RABL6: variants seen among roughly 807,000 people sequenced by gnomAD.
RABL6 encodes the protein rab-like protein 6.
A neutral mutation model predicts 72.9 loss-of-function variants in RABL6; 28 were observed. The ratio of observed to expected loss-of-function variants is 0.38; its 90% CI spans 0.28 to 0.53. RABL6 has a LOEUF of 0.53. Among genes scored for constraint, RABL6 ranks in the 20% least tolerant of loss-of-function variants. The pLI is 0.80. For missense variants in RABL6, 1,029 were observed against 1,008.4 expected (o/e 1.02, Z -0.28); for synonymous variants, 477 against 421.2 (o/e 1.13, Z -1.62).
At chr9:136,810,927 A>G (rs576508564) in intron 1 of RABL6, among the ~76,000 whole-genome samples, 1 of 152,106 alleles carries the variant, frequency 6.6e-6, no homozygotes, top group Non-Finnish European at 1.5e-5. Flanking sequence ...TGGGGGTGAG[A>G]GTTTCTGGGA....
At chr9:136,816,769 A>G (rs1050033636) in intron 1 of RABL6, among the ~76,000 whole-genome samples, 1 of 151,568 alleles carries the variant, frequency 6.6e-6, no homozygotes, top group African/African-American at 2.4e-5. Context: ...AGATTATTTT[A>G]CTTGCCTTAT....
chr9:136,822,181 CT>C (rs1848252007), intron 1 of RABL6: 11 of 1,034,042 alleles, frequency 1.1e-5, no homozygotes, highest in Non-Finnish European at 1.3e-5. Context: ...TGGGGTCCCC[CT>C]GACAGAAAAC....
chr9:136,828,642 C>A, intron 4 of RABL6, 96 bp downstream of exon 4: 5 of 1,352,578 alleles, frequency 3.7e-6, no homozygotes, highest in Non-Finnish European at 5.2e-6. Context: ...CCCAACCACC[C>A]CAGTTATGCT....
At chr9:136,821,759 A>C in intron 1 of RABL6, 3 of 1,150,446 alleles carry the variant, frequency 2.6e-6, no homozygotes, top group Non-Finnish European at 3.2e-6. Context: ...GCCGGGCTGG[A>C]GGGCGCTGCA....
At chr9:136,821,333 C>G in intron 1 of RABL6, 1 of 985,426 alleles carries the variant, frequency 1.0e-6, no homozygotes, top group South Asian at 4.7e-5. Context: ...CGCCCCACTC[C>G]CGGGAAAGAC....
chr9:136,808,527 C>T, intron 1 of RABL6: 2 of 389,344 alleles, frequency 5.1e-6, no homozygotes, highest in Non-Finnish European at 8.1e-6. Context: ...CTCGCGGCCC[C>T]CGAGCCGCGG....
In RABL6 at chr9:136,839,718, C is replaced by T. The variant is rs761584878; in HGVS notation, c.1783C>T (p.Pro595Ser). The T allele has an allele frequency of 1.1e-5, 17 of 1,596,386 alleles. No homozygotes were observed. The highest frequency in any genetic ancestry group is 2.7e-5 in the African/African-American group (2 of 74,600). The change falls in exon 13 of 15, where the codon CCC becomes TCC. Residue 595 changes from proline to serine, a missense_variant. Pro to Ser is a moderately conservative substitution (Grantham distance 74). Transcript: ENST00000311502. Reference sequence around the variant, plus strand: ...GGATGACTTTCCCGTGCGAGATGACCCCTCCGATGTGACTGACGAGGATGA... The same window carrying T: ...GGATGACTTTCCCGTGCGAGATGACTCCTCCGATGTGACTGACGAGGATGA... The part of the protein sequence containing the change: ...RADDFPVRDD[P>S]SDVTDEDEGP...
At chr9:136,813,320 G>T in intron 1 of RABL6, 1 of 668,350 alleles carries the variant, frequency 1.5e-6, no homozygotes, top group Non-Finnish European at 2.7e-6. Flanking sequence ...TGGTTCTGGG[G>T]CACTTTGATA....
intron 6 of RABL6, 64 bp from the exon 7 acceptor site, chr9:136,832,193 TGGGCCCAG>T: frequency 7.2e-7 from 1 of 1,397,178 alleles, no homozygotes; most frequent in Non-Finnish European, 1.0e-6. Context: ...CCCACAGCTG[TGGGCCCAG>T]GGGTGATCCT....
chr9:136,810,281 CACCCCT>C (rs1416083362), intron 1 of RABL6, among the ~76,000 whole-genome samples: 3 of 152,128 alleles, frequency 2.0e-5, no homozygotes, highest in African/African-American at 7.2e-5. Flanking sequence ...GCACCAGGAC[CACCCCT>C]GTGTGGTCCT....
intron 12 of RABL6, 32 bp from the exon 13 acceptor site, chr9:136,839,662 G>C (rs761108782): frequency 6.4e-7 from 1 of 1,559,384 alleles, no homozygotes; most frequent in East Asian, 2.3e-5. Context: ...TGGGAGGGAT[G>C]ATGGCCTGAC....
Position 136,831,784 on chromosome 9 carries a change from G to A in RABL6, c.522G>A (p.Leu174=). Reference sequence around the variant, plus strand: ...CCACCCACGTGCCAGTGTGCGTGCTGGGAAACTACCGGGACATGGGCGAGC... The same window carrying A: ...CCACCCACGTGCCAGTGTGCGTGCTAGGAAACTACCGGGACATGGGCGAGC... ...KVPTHVPVCV[L]GNYRDMGEHR... Residue 174 remains leucine (L), a synonymous_variant, in exon 6 of 15, where the codon CTG becomes CTA. Coordinates refer to ENST00000311502, the MANE Select transcript of RABL6 (RefSeq NM_024718.5). 1 of 1,613,506 alleles carries A rather than the reference G, an allele frequency of 6.2e-7. No homozygotes were observed. Among genetic ancestry groups the A allele is most frequent in the South Asian group, 1.1e-5 (1 of 91,084 alleles).
Position 136,815,079 on chromosome 9 carries a change from C to T in RABL6, c.130+6753C>T, listed in dbSNP as rs764753431. The T allele has an allele frequency of 1.4e-5, 3 of 217,748 alleles. No individual in the cohort carries two copies. The South Asian group carries it at 1.7e-4, about 13-fold the overall frequency. The allele number at this position is 217,748 out of a possible 1,614,324, so 13.5% of individuals were successfully genotyped here. A position where few individuals can be genotyped will look rare whatever the true frequency, so the allele number is the denominator to read the frequency against. On this transcript the variant is annotated intron_variant, in intron 1 of 14. Transcript: ENST00000311502. ...TCCTCAGCATCGTCCTCATCGTCCT[C>T]GTCCTCATCCCCTGAGGCAGGGGCA...
intron 1 of RABL6, among the ~76,000 whole-genome samples, chr9:136,811,693 A>G (rs1263140023): frequency 6.6e-6 from 1 of 151,306 alleles, no homozygotes; most frequent in Non-Finnish European, 1.5e-5. Flanking sequence ...GGGTTTCACC[A>G]CGTTGCCCAG....
At chr9:136,831,664 G>C in intron 5 of RABL6, 57 bp from the exon 6 acceptor site, 1 of 1,602,526 alleles carries the variant, frequency 6.2e-7, no homozygotes, top group East Asian at 2.2e-5. Context: ...ACCTTTCCAG[G>C]GAGGGACAGG....
rs1347007763 is a variant in RABL6, at chr9:136,838,021, G to A, written c.1280+6G>A. On this transcript the variant is annotated splice_donor_region_variant and intron_variant, in intron 10 of 14. Coordinates refer to ENST00000311502, the MANE Select transcript of RABL6 (RefSeq NM_024718.5). The stretch of plus-strand genomic sequence containing the variant: ...GCCCAGCAGGACAGCGACAGGTGAG[G>A]GGTGGGCCTGGGCCTCCTCTCCCAT... 1.3e-6 allele frequency: 2 copies of A among 1,554,968 alleles called. No homozygotes were observed. The highest frequency in any genetic ancestry group is 1.7e-6 in the Non-Finnish European group (2 of 1,149,698).
At chr9:136,822,196 G>A in intron 1 of RABL6, 2 of 912,778 alleles carry the variant, frequency 2.2e-6, no homozygotes, top group Non-Finnish European at 2.9e-6. Context: ...AGAAAACCTG[G>A]GGGGGGCGTT....
At chr9:136,820,590 C>G (rs995650500) in intron 1 of RABL6, among the ~76,000 whole-genome samples, 1 of 152,114 alleles carries the variant, frequency 6.6e-6, no homozygotes, top group South Asian at 2.1e-4. Flanking sequence ...AGGCTGGTCT[C>G]GAACTCCTGA....
rs1313493996 is a variant in RABL6 at position 136,839,714 on chromosome 9, T to A, written c.1779T>A (p.Asp593Glu). 9 of 1,595,084 alleles carry A rather than the reference T, an allele frequency of 5.6e-6. No homozygotes were observed. Among genetic ancestry groups the A allele is most frequent in the Non-Finnish European group, 7.7e-6 (9 of 1,168,264 alleles). Residue 593 changes from aspartate (D) to glutamate (E), a missense_variant, in exon 13 of 15, where the codon GAT becomes GAA. Asp to Glu is a conservative substitution (Grantham distance 45). Coordinates refer to ENST00000311502, the MANE Select transcript of RABL6 (RefSeq NM_024718.5). Reference protein sequence around the residue: ...QRRADDFPVRDDPSDVTDEDE... With the variant: ...QRRADDFPVREDPSDVTDEDE... ...TCCAGGATGACTTTCCCGTGCGAGATGACCCCTCCGATGTGACTGACGAGG... is the reference window on the plus strand; with the variant it reads ...TCCAGGATGACTTTCCCGTGCGAGAAGACCCCTCCGATGTGACTGACGAGG...
Sources: allele counts gnomAD v4.1 joint callset (sites outside exome capture counted in the v4.1 genomes callset), GRCh38; gene constraint gnomAD v4.1.1; transcripts MANE v1.5; gene names NCBI Gene and HGNC (gene_info 2026-07-23, HGNC 2026-07-21).